Variants in DGKB observed in about 807,000 individuals in gnomAD.
DGKB encodes the protein 90 kDa diacylglycerol kinase.
In DGKB, 67 loss-of-function variants were observed where a neutral mutation model predicts 114.3. The ratio of observed to expected loss-of-function variants is 0.59; its 90% CI spans 0.48 to 0.72. DGKB has a LOEUF of 0.72. DGKB is among the 30% of genes least tolerant of loss of function. DGKB has a pLI of 0.00. For missense variants in DGKB, 907 were observed against 975.2 expected (o/e 0.93, Z 0.93); for synonymous variants, 398 against 323.1 (o/e 1.23, Z -2.49).
chr7:14,637,911 A>G (rs1811049104), intron 13 of DGKB, among the ~76,000 whole-genome samples: 1 of 152,062 alleles, frequency 6.6e-6, no homozygotes, highest in South Asian at 2.1e-4. Context: ...CCAAAAAGCC[A>G]CAATTTCTAA....
chr7:14,342,709 G>C (rs1173501296), intron 22 of DGKB, among the ~76,000 whole-genome samples: 1 of 151,800 alleles, frequency 6.6e-6, no homozygotes, highest in Non-Finnish European at 1.5e-5. Context: ...TTTTGATAAA[G>C]ACTAAATCAA....
At chr7:14,880,153 G>A (rs542188060) in intron 1 of DGKB, among the ~76,000 whole-genome samples, 2 of 152,278 alleles carry the variant, frequency 1.3e-5, no homozygotes, top group South Asian at 2.1e-4. Flanking sequence ...AGTCAGGAAA[G>A]GGCAGGTTCT....
At chr7:14,234,446 C>G (rs1158150292) in intron 23 of DGKB, among the ~76,000 whole-genome samples, 1 of 152,008 alleles carries the variant, frequency 6.6e-6, no homozygotes, top group Non-Finnish European at 1.5e-5. Flanking sequence ...TCCTCTCCTT[C>G]TTGAAAACAT....
rs181405553 is a variant in DGKB at position 14,933,453 on chromosome 7, T to C, written c.-188+41243A>G. On this transcript the variant is annotated intron_variant, in intron 1 of 4. Transcript: ENST00000437998. Reference sequence around the variant, plus strand: ...AGCATAGTGCTTTGCATATCATATATGTGTACTCTATGTATTGAATGAATA... The same window carrying C: ...AGCATAGTGCTTTGCATATCATATACGTGTACTCTATGTATTGAATGAATA... 3.9e-5 allele frequency among the ~76,000 whole-genome samples: 6 copies of C among 152,318 alleles called. No individual in the cohort carries two copies. In the East Asian group the frequency reaches 1.2e-3, roughly 29 times the overall value.
chr7:14,823,204 G>C (rs1486720944), intron 2 of DGKB, among the ~76,000 whole-genome samples: 1 of 151,718 alleles, frequency 6.6e-6, no homozygotes, highest in Non-Finnish European at 1.5e-5. Context: ...TATACAATTA[G>C]GCAAATTAAT....
intron 2 of DGKB, among the ~76,000 whole-genome samples, chr7:14,772,640 C>T (rs976685276): frequency 2.0e-5 from 3 of 152,160 alleles, no homozygotes; most frequent in African/African-American, 7.2e-5. Flanking sequence ...ATGCATCACA[C>T]ACTCTTCCTA....
intron 17 of DGKB, among the ~76,000 whole-genome samples, chr7:14,596,773 A>C (rs1263379512): frequency 1.3e-5 from 2 of 152,146 alleles, no homozygotes; most frequent in African/African-American, 4.8e-5. Flanking sequence ...ATACCAATAC[A>C]TATACAGGGC....
At chr7:14,713,063 T>C (rs1165445883) in intron 6 of DGKB, among the ~76,000 whole-genome samples, 2 of 152,256 alleles carry the variant, frequency 1.3e-5, no homozygotes, top group East Asian at 3.9e-4. Context: ...CCACATTTTT[T>C]CCTATTTTTA....
intron 21 of DGKB, among the ~76,000 whole-genome samples, chr7:14,391,174 T>G (rs1399012443): frequency 6.6e-6 from 1 of 152,202 alleles, no homozygotes; most frequent in Non-Finnish European, 1.5e-5. Flanking sequence ...TAAATTCACT[T>G]TTAAGAATTC....
chr7:14,151,913 G>T lies in DGKB; in HGVS notation c.2305-2675C>A, dbSNP rs921088523. ...TATTTGGGCAGAAGCAAAATCCTAC[G>T]AGAGTAATTCCAAGCCACATGGATT... On this transcript the variant is annotated intron_variant, in intron 25 of 25. Transcript: ENST00000402815. Among the ~76,000 whole-genome samples, 3 of 151,946 alleles carry T rather than the reference G, an allele frequency of 2.0e-5. No individual in the cohort carries two copies. In the South Asian group the frequency reaches 6.2e-4, roughly 31 times the overall value.
At chr7:14,208,512 A>G (rs952171073) in intron 23 of DGKB, among the ~76,000 whole-genome samples, 5 of 152,016 alleles carry the variant, frequency 3.3e-5, no homozygotes, top group African/African-American at 1.2e-4. Flanking sequence ...AAGGGATTGT[A>G]AACAGCCTCA....
chr7:14,368,384 AT>A (rs371886320), intron 21 of DGKB, among the ~76,000 whole-genome samples: 12 of 152,194 alleles, frequency 7.9e-5, no homozygotes, highest in South Asian at 6.2e-4. Flanking sequence ...ACTCATCCAG[AT>A]TTTTTTAGGG....
chr7:14,730,019 C>T (rs9639214), intron 5 of DGKB, among the ~76,000 whole-genome samples: 115,377 of 152,094 alleles, frequency 0.76, 46,503 homozygotes, highest in Non-Finnish European at 0.91. Flanking sequence ...ACAACAAAAA[C>T]TGTTACGCTG....
chr7:14,244,574 G>T (rs1794172085), intron 23 of DGKB, among the ~76,000 whole-genome samples: 1 of 151,410 alleles, frequency 6.6e-6, no homozygotes, highest in Admixed American at 6.6e-5. Flanking sequence ...GGAGGCTGAG[G>T]CAGGGGAATC....
chr7:14,808,041 C>T (rs1420583603), intron 2 of DGKB, among the ~76,000 whole-genome samples: 2 of 151,928 alleles, frequency 1.3e-5, no homozygotes, highest in African/African-American at 2.4e-5. Flanking sequence ...AATTGTCAAC[C>T]ATTTACAATG....
At chr7:14,933,621 G>GT (rs1017032275) in intron 1 of DGKB, among the ~76,000 whole-genome samples, 20 of 152,052 alleles carry the variant, frequency 1.3e-4, no homozygotes, top group Admixed American at 3.9e-4. Context: ...GAATTTAAAT[G>GT]TTTTTTAACT....
intron 21 of DGKB, among the ~76,000 whole-genome samples, chr7:14,405,066 A>C (rs1823728405): frequency 6.6e-6 from 1 of 150,784 alleles, no homozygotes; most frequent in Admixed American, 6.7e-5. Flanking sequence ...CACCATTTAG[A>C]GCTCATATTT....
intron 20 of DGKB, among the ~76,000 whole-genome samples, chr7:14,538,730 C>G (rs1425465024): frequency 6.6e-6 from 1 of 152,088 alleles, no homozygotes; most frequent in Non-Finnish European, 1.5e-5. Context: ...GAAAACAACC[C>G]AAATCTTCAT....
chr7:14,515,719 A>G (rs966329930), intron 20 of DGKB, among the ~76,000 whole-genome samples: 1 of 152,214 alleles, frequency 6.6e-6, no homozygotes, highest in Non-Finnish European at 1.5e-5. Flanking sequence ...AACCTTCATC[A>G]CTAAATTATT....
Sources: allele counts gnomAD v4.1 joint callset (sites outside exome capture counted in the v4.1 genomes callset), GRCh38; gene constraint gnomAD v4.1.1; transcripts MANE v1.5; gene names NCBI Gene and HGNC (gene_info 2026-07-23, HGNC 2026-07-21).